Variants in NCAPG2 observed in about 807,000 individuals in gnomAD.
The protein encoded by NCAPG2 is non-SMC condensin II complex subunit G2.
A neutral mutation model predicts 141.1 loss-of-function variants in NCAPG2; 53 were observed. The ratio of observed to expected loss-of-function variants is 0.38; its 90% CI spans 0.30 to 0.47. The LOEUF is 0.47. NCAPG2 is among the 20% of genes least tolerant of loss of function. NCAPG2 has a pLI of 0.99. For synonymous variants in NCAPG2, 499 were observed against 490.7 expected (o/e 1.02, Z -0.22); for missense variants, 1,087 against 1,389.0 (o/e 0.78, Z 3.46).
intron 14 of NCAPG2, 82 bp from the exon 15 acceptor site, chr7:158,664,378 A>C (rs1292809704): frequency 6.6e-7 from 1 of 1,512,404 alleles, no homozygotes; most frequent in South Asian, 1.2e-5. Flanking sequence ...TTATAATCCC[A>C]ATTAGTCAAA....
intron 6 of NCAPG2, 32 bp from the exon 7 acceptor site, chr7:158,687,474 T>C (rs774060058): frequency 2.7e-6 from 4 of 1,468,414 alleles, no homozygotes; most frequent in South Asian, 1.2e-5. Flanking sequence ...ATGTTTACAT[T>C]GCAACCAAAT....
intron 2 of NCAPG2, among the ~76,000 whole-genome samples, chr7:158,700,198 A>T (rs1439430130): frequency 1.3e-5 from 2 of 152,242 alleles, no homozygotes; most frequent in Non-Finnish European, 2.9e-5. Context: ...CACGGTGACT[A>T]GGTACTAAGC....
At chr7:158,703,433 T>C (rs1326972634) in intron 1 of NCAPG2, among the ~76,000 whole-genome samples, 2 of 152,254 alleles carry the variant, frequency 1.3e-5, no homozygotes, top group Non-Finnish European at 2.9e-5. Flanking sequence ...CTCTTTGGCA[T>C]GTTAGTCCAA....
intron 4 of NCAPG2, among the ~76,000 whole-genome samples, chr7:158,691,315 G>A (rs923786746): frequency 7.2e-5 from 11 of 152,212 alleles, no homozygotes; most frequent in Non-Finnish European, 1.6e-4. Context: ...TAACTGGGAA[G>A]TTGATAGCAA....
At chr7:158,644,170 G>A (rs1476535766) in intron 27 of NCAPG2, 119 bp downstream of exon 27, 1 of 740,946 alleles carries the variant, frequency 1.3e-6, no homozygotes, top group African/African-American at 1.7e-5. Context: ...TCTCCTTAGA[G>A]TCCCCAGTCT....
chr7:158,690,307 T>A (rs1041077248), intron 5 of NCAPG2, among the ~76,000 whole-genome samples: 1 of 152,236 alleles, frequency 6.6e-6, no homozygotes, highest in Admixed American at 6.5e-5. Flanking sequence ...TTCATTATTT[T>A]TAACTTTAAA....
chr7:158,677,473 C>A (rs539307328), intron 11 of NCAPG2, among the ~76,000 whole-genome samples: 11 of 127,350 alleles, frequency 8.6e-5, no homozygotes, highest in Non-Finnish European at 1.6e-4. Context: ...AAAAGATGAC[C>A]AGTCATTTAA....
intron 13 of NCAPG2, among the ~76,000 whole-genome samples, chr7:158,666,781 A>T (rs1284379710): frequency 1.3e-5 from 2 of 152,202 alleles, no homozygotes; most frequent in East Asian, 3.9e-4. Context: ...AAATAAATAA[A>T]ATAAAAAGAA....
At chr7:158,632,184 C>G (rs1829933098) in intron 27 of NCAPG2, among the ~76,000 whole-genome samples, 2 of 152,166 alleles carry the variant, frequency 1.3e-5, no homozygotes, top group South Asian at 4.1e-4. Flanking sequence ...TTCCCACTCC[C>G]CTGCCCTACA....
At chr7:158,649,672 A>G (rs543276595) in intron 24 of NCAPG2, among the ~76,000 whole-genome samples, 1 of 152,376 alleles carries the variant, frequency 6.6e-6, no homozygotes, top group East Asian at 1.9e-4. Context: ...ATGTTTTAGA[A>G]TTTAGTTAAC....
chr7:158,679,454 G>C (rs1157770424), intron 11 of NCAPG2, among the ~76,000 whole-genome samples: 5 of 152,202 alleles, frequency 3.3e-5, no homozygotes, highest in African/African-American at 4.8e-5. Flanking sequence ...GGCATTATTT[G>C]TAGGCTTGCC....
Position 158,664,296 on chromosome 7 carries a change from G to A in NCAPG2, c.1703C>T (p.Ala568Val). ...AHEHTACTNI[A>V]KLIHVIRHCL... is the part of the protein sequence containing the mutation. ...ATGACGAATAACGTGAATCAGCTTT[G>A]CTGAAATGTTTAGGATAAACAAGAA... Residue 568 changes from alanine (A) to valine (V), a missense_variant and splice_region_variant, in exon 15 of 28, where the codon GCA (alanine) becomes GTA (valine). Physicochemically the swap from Ala to Val is moderately conservative, Grantham distance 64. Transcript: ENST00000356309. 2 of 1,609,142 alleles carry A rather than the reference G, an allele frequency of 1.2e-6. No homozygotes were observed. Among genetic ancestry groups the A allele is most frequent in the Non-Finnish European group, 1.7e-6 (2 of 1,175,516 alleles).
At chr7:158,677,532 A>C (rs1834157996) in intron 11 of NCAPG2, among the ~76,000 whole-genome samples, 1 of 44,514 alleles carries the variant, frequency 2.2e-5, no homozygotes, top group South Asian at 2.1e-3. Context: ...AAGCAAAAAA[A>C]AAAAAAAAAA....
At chr7:158,653,373 A>AAAAT (rs778391920) in intron 22 of NCAPG2, among the ~76,000 whole-genome samples, 74 of 91,672 alleles carry the variant, frequency 8.1e-4, no homozygotes, top group Non-Finnish European at 1.1e-3. Context: ...TCAAAAAAAA[A>AAAAT]AAAATAAAAA....
At position 158,654,701 on chromosome 7, in the gene NCAPG2, G is replaced by T. The variant is rs543625506; in HGVS notation, c.2647-7C>A. On this transcript the variant is annotated splice_polypyrimidine_tract_variant and splice_region_variant and intron_variant, in intron 21 of 27. Coordinates refer to ENST00000356309, the MANE Select transcript of NCAPG2 (RefSeq NM_017760.7). ...TACACACAGTCAGGTAGGTCTGTAA[G>T]AGACAGACACAGCTTAGCAACAAAG... The T allele has an allele frequency of 6.2e-7, 1 of 1,611,802 alleles. No homozygotes were observed. Among genetic ancestry groups the T allele is most frequent in the Admixed American group, 1.7e-5 (1 of 59,418 alleles).
At position 158,652,308 on chromosome 7, in the gene NCAPG2, C is replaced by T. The variant is rs776024836; in HGVS notation, c.2919G>A (p.Pro973=). The change falls in exon 23 of 28, where the codon CCG becomes CCA. Residue 973 remains proline, a synonymous_variant. Transcript: ENST00000356309. ...TTCTGAGTACCCGCAGGCCTTCTTCCGGCTGCTTCCTGAAGCTCCGTGCAA... is the reference window on the plus strand; with the variant it reads ...TTCTGAGTACCCGCAGGCCTTCTTCTGGCTGCTTCCTGAAGCTCCGTGCAA... ...ECIARSFRKQ[P]EEGLRLLYSV... is the part of the protein sequence containing the mutation. The T allele has an allele frequency of 6.2e-6, 10 of 1,613,404 alleles. No homozygotes were observed. The highest frequency in any genetic ancestry group is 2.7e-5 in the African/African-American group (2 of 74,890).
chr7:158,638,440 G>A (rs540169416), intron 27 of NCAPG2, among the ~76,000 whole-genome samples: 76 of 152,116 alleles, frequency 5.0e-4, no homozygotes, highest in African/African-American at 1.8e-3. Flanking sequence ...AGGTCTCGCT[G>A]TGTTGCTCAA....
At chr7:158,645,734 T>C in intron 25 of NCAPG2, 115 bp from the exon 26 acceptor site, 2 of 882,204 alleles carry the variant, frequency 2.3e-6, no homozygotes, top group South Asian at 3.1e-5. Flanking sequence ...GCAGGGGACG[T>C]GGGAAGGTGA....
intron 13 of NCAPG2, 128 bp downstream of exon 13, chr7:158,671,386 G>T: frequency 8.7e-7 from 1 of 1,152,534 alleles, no homozygotes; most frequent in Non-Finnish European, 1.3e-6. Context: ...TAACATTTTT[G>T]ACAGAGATAA....
Sources: allele counts gnomAD v4.1 joint callset (sites outside exome capture counted in the v4.1 genomes callset), GRCh38; gene constraint gnomAD v4.1.1; transcripts MANE v1.5; gene names NCBI Gene and HGNC (gene_info 2026-07-23, HGNC 2026-07-21).